FGD4: variants seen among roughly 807,000 people sequenced by gnomAD.
FGD4 encodes the protein FYVE, RhoGEF and PH domain-containing protein 4.
In FGD4, 42 loss-of-function variants were observed where a neutral mutation model predicts 102.0. The observed-to-expected ratio is 0.41, with a 90% CI of 0.32 to 0.53. The LOEUF (loss-of-function observed/expected upper bound fraction) is 0.53. Among genes scored for constraint, FGD4 ranks in the 20% least tolerant of loss-of-function variants. The pLI, the probability that FGD4 is intolerant of heterozygous loss-of-function variation, is 0.21. For missense variants in FGD4, 902 were observed against 1,078.2 expected (o/e 0.84, Z 2.29); for synonymous variants, 380 against 375.7 (o/e 1.01, Z -0.13).
intron 1 of FGD4, among the ~76,000 whole-genome samples, chr12:32,432,051 ATTTTTTTTTTTTT>A (rs60933809): frequency 8.4e-5 from 9 of 107,726 alleles, no homozygotes; most frequent in Middle Eastern, 7.8e-3. Flanking sequence ...TAATCCTAGC[ATTTTTTTTTTTTT>A]TTTTTTTTTT....
At chr12:32,608,365 T>C (rs1194213209) in intron 8 of FGD4, among the ~76,000 whole-genome samples, 1 of 152,242 alleles carries the variant, frequency 6.6e-6, no homozygotes. Context: ...CTTAAAGACA[T>C]CTAGAATAGC....
At chr12:32,402,904 G>A (rs1471413666) in intron 1 of FGD4, among the ~76,000 whole-genome samples, 1 of 152,028 alleles carries the variant, frequency 6.6e-6, no homozygotes, top group Non-Finnish European at 1.5e-5. Flanking sequence ...TTTAGAAAGT[G>A]CTTTCTTCTT....
intron 1 of FGD4, among the ~76,000 whole-genome samples, chr12:32,464,314 G>A (rs949806464): frequency 3.3e-5 from 5 of 152,168 alleles, no homozygotes; most frequent in South Asian, 2.1e-4. Context: ...CACTTCGCCC[G>A]GCTAATTTTT....
intron 14 of FGD4, among the ~76,000 whole-genome samples, chr12:32,626,306 TG>T (rs1256054985): frequency 6.6e-6 from 1 of 152,028 alleles, no homozygotes. Flanking sequence ...TAGCCAGGCG[TG>T]GCGGCGCATG....
At chr12:32,451,834 CAAAAAAAAAAAA>C (rs60760923) in intron 1 of FGD4, among the ~76,000 whole-genome samples, 94 of 24,160 alleles carry the variant, frequency 3.9e-3, no homozygotes, top group African/African-American at 0.013. Context: ...AACTCCATCT[CAAAAAAAAAAAA>C]AAAAAAAAAA....
chr12:32,586,328 TACAC>T (rs1007665104), intron 4 of FGD4, among the ~76,000 whole-genome samples: 3 of 152,102 alleles, frequency 2.0e-5, no homozygotes, highest in Non-Finnish European at 4.4e-5. Context: ...GCACAGAAAA[TACAC>T]ACAAAAACCA....
chr12:32,451,829 C>A, intron 1 of FGD4, among the ~76,000 whole-genome samples: 2 of 69,760 alleles, frequency 2.9e-5, no homozygotes, highest in East Asian at 3.7e-4. Context: ...AGCGAAACTC[C>A]ATCTCAAAAA....
chr12:32,620,520 C>CTTTTTTT (rs1233071153), intron 11 of FGD4, among the ~76,000 whole-genome samples: 8 of 91,122 alleles, frequency 8.8e-5, no homozygotes, highest in East Asian at 3.4e-4. Context: ...TTTTTTCTTT[C>CTTTTTTT]TTTTTTTTTT....
chr12:32,459,607 G>GAAATAAAAATACAAATAAA (rs1469318697), intron 1 of FGD4, among the ~76,000 whole-genome samples: 9 of 151,084 alleles, frequency 6.0e-5, no homozygotes, highest in Non-Finnish European at 1.2e-4. Context: ...TGCTATTCCT[G>GAAATAAAAATACAAATAAA]AAATAAAAAT....
intron 1 of FGD4, among the ~76,000 whole-genome samples, chr12:32,452,166 A>G (rs981862785): frequency 7.9e-5 from 12 of 151,842 alleles, no homozygotes; most frequent in Non-Finnish European, 1.5e-5. Context: ...TATTCTACTG[A>G]AGTAACTCTT....
chr12:32,613,147 G>A (rs998601849), intron 10 of FGD4, among the ~76,000 whole-genome samples: 3 of 152,176 alleles, frequency 2.0e-5, no homozygotes, highest in East Asian at 1.9e-4. Context: ...CATACAGTAC[G>A]TTCTTAGGAT....
intron 1 of FGD4, among the ~76,000 whole-genome samples, chr12:32,563,871 C>G (rs989059969): frequency 6.6e-6 from 1 of 152,082 alleles, no homozygotes; most frequent in South Asian, 2.1e-4. Context: ...CATGGCGGCG[C>G]GGGCATGTAA....
chr12:32,418,897 C>T (rs1218756155), intron 1 of FGD4, among the ~76,000 whole-genome samples: 1 of 152,162 alleles, frequency 6.6e-6, no homozygotes, highest in Non-Finnish European at 1.5e-5. Flanking sequence ...GTGTTTTGTT[C>T]TACTGTGGTT....
chr12:32,604,460 G>A (rs952952377), intron 7 of FGD4, among the ~76,000 whole-genome samples: 2 of 152,096 alleles, frequency 1.3e-5, no homozygotes, highest in Non-Finnish European at 1.5e-5. Context: ...TATTCAGATT[G>A]TATAATTTCT....
rs192904517 is a variant in FGD4, at chr12:32,589,774, G to A, written c.1011+7307G>A. Among the ~76,000 whole-genome samples, 183 of 152,234 alleles carry A rather than the reference G, an allele frequency of 1.2e-3. 1 individual carries two copies. The highest frequency in any genetic ancestry group is 4.2e-3 in the African/African-American group (176 of 41,550). On this transcript the variant is annotated intron_variant, in intron 4 of 16. Transcript: ENST00000534526. ...CGTAATTGAAACCTTCAGATTAAAA[G>A]CTCTCACTTTTAACTCTCCTTGAAC...
In FGD4 at chr12:32,467,012, T is replaced by C. The variant is rs950938095; in HGVS notation, c.166+67053T>C. ...CCCAGCATTTTTAGCTACATTTTTA[T>C]TGCACATATATTTTATTAGGTAGAA... is the stretch of plus-strand genomic sequence containing the variant. On this transcript the variant is annotated intron_variant, in intron 1 of 16. Coordinates refer to ENST00000534526, the MANE Select transcript of FGD4 (RefSeq NM_001370298.3). Among the ~76,000 whole-genome samples, 3 of 152,278 alleles carry C rather than the reference T, an allele frequency of 2.0e-5. No individual in the cohort carries two copies. In the South Asian group the frequency reaches 6.2e-4, roughly 32 times the overall value.
chr12:32,539,917 T>A (rs959133405), intron 1 of FGD4, among the ~76,000 whole-genome samples: 1 of 152,226 alleles, frequency 6.6e-6, no homozygotes. Context: ...GTAAGCCCCT[T>A]AATGTCTATC....
intron 1 of FGD4, among the ~76,000 whole-genome samples, chr12:32,500,386 A>ATTTTT (rs1231730908): frequency 6.8e-6 from 1 of 147,806 alleles, no homozygotes; most frequent in African/African-American, 2.5e-5. Context: ...ACCTTATTTT[A>ATTTTT]TTTTATTTTT....
intron 4 of FGD4, among the ~76,000 whole-genome samples, chr12:32,595,083 G>A (rs1034926592): frequency 2.6e-5 from 4 of 151,122 alleles, no homozygotes; most frequent in African/African-American, 7.3e-5. Context: ...TTACAATGTT[G>A]ATGCAGGGGA....
Sources: allele counts gnomAD v4.1 joint callset (sites outside exome capture counted in the v4.1 genomes callset), GRCh38; gene constraint gnomAD v4.1.1; transcripts MANE v1.5; gene names NCBI Gene and HGNC (gene_info 2026-07-23, HGNC 2026-07-21).